ADAMTS16: variants seen among roughly 807,000 people sequenced by gnomAD.
The protein encoded by ADAMTS16 is A disintegrin and metalloproteinase with thrombospondin motifs 16.
A neutral mutation model predicts 145.8 loss-of-function variants in ADAMTS16; 94 were observed. The observed-to-expected ratio is 0.64, with a 90% CI of 0.55 to 0.77. The LOEUF (loss-of-function observed/expected upper bound fraction) is 0.77, where lower values mean the gene tolerates loss of function less well. Among genes scored for constraint, ADAMTS16 ranks in the 30% least tolerant of loss-of-function variants. The pLI is 0.00. For missense variants in ADAMTS16, 1,585 were observed against 1,591.5 expected, an observed-to-expected ratio of 1.00 and a Z score of 0.07; for synonymous variants, 659 against 604.3, an observed-to-expected ratio of 1.09 and a Z score of -1.33.
At chr5:5,258,819 C>CATATGTATATGT (rs1265241536) in intron 17 of ADAMTS16, among the ~76,000 whole-genome samples, 1 of 151,412 alleles carries the variant, frequency 6.6e-6, no homozygotes, top group Non-Finnish European at 1.5e-5. Context: ...TGTGTGCATG[C>CATATGTATATGT]ATATGTATAT....
chr5:5,180,970 TCTAA>T (rs1344503006), intron 3 of ADAMTS16, among the ~76,000 whole-genome samples: 7 of 152,198 alleles, frequency 4.6e-5, no homozygotes, highest in African/African-American at 1.7e-4. Flanking sequence ...AGTACGTAAC[TCTAA>T]CTTTTAGTGG....
At chr5:5,184,022 C>T (rs1042536739) in intron 4 of ADAMTS16, among the ~76,000 whole-genome samples, 1 of 152,198 alleles carries the variant, frequency 6.6e-6, no homozygotes, top group Non-Finnish European at 1.5e-5. Flanking sequence ...TTCCGTCCCC[C>T]CTGGGGTATG....
chr5:5,170,167 T>A (rs530977292), intron 3 of ADAMTS16, among the ~76,000 whole-genome samples: 17 of 152,164 alleles, frequency 1.1e-4, no homozygotes, highest in Non-Finnish European at 2.1e-4. Context: ...TTCCTACCAA[T>A]AGTATACGAG....
At position 5,140,733 on chromosome 5, in the gene ADAMTS16, C is replaced by T; in HGVS notation, c.142C>T (p.Pro48Ser). The stretch of plus-strand genomic sequence containing the variant: ...CCCGAGCGTCCCGCGTCCTCCTCCA[C>T]CCGCGGAGCGGCCGGGCTGGATGGA... ...GSPSVPRPPPPAERPGWMEKG... is the reference protein window; with the variant it reads ...GSPSVPRPPPSAERPGWMEKG... Residue 48 changes from proline (P) to serine (S), a missense_variant, in exon 2 of 23, where the codon CCC becomes TCC. Coordinates refer to ENST00000274181, the MANE Select transcript of ADAMTS16 (RefSeq NM_139056.4). The T allele has an allele frequency of 6.4e-7, 1 of 1,570,124 alleles. No homozygotes were observed. The highest frequency in any genetic ancestry group is 8.6e-7 in the Non-Finnish European group (1 of 1,159,200).
At chr5:5,239,368 A>T in intron 15 of ADAMTS16, 94 bp downstream of exon 15, 1 of 1,481,630 alleles carries the variant, frequency 6.7e-7, no homozygotes, top group Non-Finnish European at 9.0e-7. Context: ...AAACAGCAGG[A>T]CTTCCTTCCG....
intron 22 of ADAMTS16, 39 bp from the exon 23 acceptor site, chr5:5,318,984 C>G (rs1294294742): frequency 1.4e-6 from 2 of 1,469,536 alleles, no homozygotes; most frequent in Admixed American, 1.8e-5. Context: ...AGTCGCTGCA[C>G]TCGGGATCGC....
At chr5:5,149,345 A>G (rs114863083) in intron 3 of ADAMTS16, among the ~76,000 whole-genome samples, 19,245 of 152,152 alleles carry the variant, frequency 0.13, 1,474 homozygotes, top group Middle Eastern at 0.27. Context: ...TCACTCAGGT[A>G]CTTTCCAGTA....
chr5:5,206,375 G>C (rs1396630022), intron 9 of ADAMTS16, among the ~76,000 whole-genome samples: 1 of 101,874 alleles, frequency 9.8e-6, no homozygotes, highest in African/African-American at 3.9e-5. Flanking sequence ...GCAGTGAGCC[G>C]AGATCCCGCC....
At chr5:5,221,612 A>G (rs372726946) in intron 10 of ADAMTS16, among the ~76,000 whole-genome samples, 1 of 152,384 alleles carries the variant, frequency 6.6e-6, no homozygotes. Context: ...TAACATTTCA[A>G]GCTCCAAAAT....
At chr5:5,162,579 G>A (rs930493022) in intron 3 of ADAMTS16, among the ~76,000 whole-genome samples, 1 of 152,156 alleles carries the variant, frequency 6.6e-6, no homozygotes, top group East Asian at 1.9e-4. Context: ...GTGCATGCAC[G>A]GGGAACAGCT....
chr5:5,146,451 G>C lies in ADAMTS16; in HGVS notation c.497G>C (p.Gly166Ala). 1 of 1,605,980 alleles carries C rather than the reference G, an allele frequency of 6.2e-7. No homozygotes were observed. Among genetic ancestry groups the C allele is most frequent in the Non-Finnish European group, 8.5e-7 (1 of 1,178,982 alleles). The stretch of plus-strand genomic sequence containing the variant: ...TCAGTGGCCCTTTCAACCTGCCAAG[G>C]CTTGGTGAGTACAGCGCAAGCCCCA... ...NSSVALSTCQ[G>A]LSGMIRTEEA... is the part of the protein sequence containing the mutation. Residue 166 changes from glycine to alanine, a missense_variant, in exon 3 of 23, where the codon GGC (glycine) becomes GCC (alanine). Transcript: ENST00000274181.
rs531611117 is a variant in ADAMTS16 at position 5,244,610 on chromosome 5, A to C, written c.2662+2419A>C. Among the ~76,000 whole-genome samples the C allele has an allele frequency of 2.7e-4, 41 of 152,322 alleles. No individual in the cohort carries two copies. In the South Asian group the frequency reaches 5.8e-3, roughly 22 times the overall value. On this transcript the variant is annotated intron_variant, in intron 17 of 22. Transcript: ENST00000274181. ...CAGAGGTTACAGGTAACTTGGTTCA[A>C]ACAGGTTTACTGACTCCCATTCTTA... is the stretch of plus-strand genomic sequence containing the variant.
At chr5:5,212,848 T>A (rs192719684) in intron 10 of ADAMTS16, among the ~76,000 whole-genome samples, 27 of 152,338 alleles carry the variant, frequency 1.8e-4, no homozygotes, top group African/African-American at 6.3e-4. Context: ...GTCTCATTTC[T>A]ATTTTGTTTC....
intron 18 of ADAMTS16, among the ~76,000 whole-genome samples, chr5:5,291,642 C>A (rs894430297): frequency 6.7e-6 from 1 of 150,206 alleles, no homozygotes; most frequent in Non-Finnish European, 1.5e-5. Flanking sequence ...CGCAGAGCCA[C>A]GGCTTCCCCA....
chr5:5,263,288 A>G (rs1738101425), intron 18 of ADAMTS16, among the ~76,000 whole-genome samples: 1 of 152,134 alleles, frequency 6.6e-6, no homozygotes, highest in South Asian at 2.1e-4. Context: ...TGCCCCTAGG[A>G]GTTCCTAAAC....
chr5:5,316,329 T>C (rs1431111875), intron 21 of ADAMTS16, among the ~76,000 whole-genome samples: 1 of 152,230 alleles, frequency 6.6e-6, no homozygotes, highest in Non-Finnish European at 1.5e-5. Context: ...TCACCCACCA[T>C]GCACCAGGAC....
chr5:5,301,598 C>T (rs1018664481), intron 18 of ADAMTS16, among the ~76,000 whole-genome samples: 17 of 152,168 alleles, frequency 1.1e-4, no homozygotes, highest in East Asian at 5.8e-4. Flanking sequence ...TCCCAGGTGC[C>T]GTGGCTGCTG....
At position 5,239,838 on chromosome 5, in the gene ADAMTS16, G is replaced by C; in HGVS notation, c.2436G>C (p.Ser812=). 1 of 1,613,908 alleles carries C rather than the reference G, an allele frequency of 6.2e-7. No individual in the cohort carries two copies. Among genetic ancestry groups the C allele is most frequent in the Non-Finnish European group, 8.5e-7 (1 of 1,180,006 alleles). ...ACTGGCCCGGCCGGTACAAATTTTC[G>C]GGCACTACTTTCGACTACAGACGGT... ...TVDWPGRYKF[S]GTTFDYRRSY... is the part of the protein sequence containing the mutation. Residue 812 remains serine (S), a synonymous_variant, in exon 16 of 23, where the codon TCG becomes TCC. Transcript: ENST00000274181.
chr5:5,184,991 C>T (rs1735458740), intron 4 of ADAMTS16, among the ~76,000 whole-genome samples: 1 of 152,186 alleles, frequency 6.6e-6, no homozygotes, highest in Non-Finnish European at 1.5e-5. Flanking sequence ...ATGTTCCTCT[C>T]CTCTGCCTTC....
Sources: allele counts gnomAD v4.1 joint callset (sites outside exome capture counted in the v4.1 genomes callset), GRCh38; gene constraint gnomAD v4.1.1; transcripts MANE v1.5; gene names NCBI Gene and HGNC (gene_info 2026-07-23, HGNC 2026-07-21).